ADAMTSL5: variants seen among roughly 807,000 people sequenced by gnomAD.
ADAMTSL5 encodes ADAMTS like 5, also known as ADAMTS-like protein 5.
In ADAMTSL5, 53 loss-of-function variants were observed where a neutral mutation model predicts 51.7. The observed-to-expected ratio is 1.03, with a 90% confidence interval of 0.82 to 1.29. The LOEUF is 1.29. Among genes scored for constraint, ADAMTSL5 ranks in the 50% most tolerant of loss-of-function variants. The pLI is 0.00. For missense variants in ADAMTSL5, 770 were observed against 676.2 expected, an observed-to-expected ratio of 1.14 and a Z score of -1.54; for synonymous variants, 285 against 278.7, an observed-to-expected ratio of 1.02 and a Z score of -0.23.
Position 1,510,922 on chromosome 19 carries a change from G to C in ADAMTSL5, c.22C>G (p.Pro8Ala). The C allele has an allele frequency of 4.1e-6, 6 of 1,463,486 alleles. No homozygotes were observed. The highest frequency in any genetic ancestry group is 1.5e-5 in the African/African-American group (1 of 67,440). 90.7% of individuals were successfully genotyped at this position (1,463,486 alleles called of 1,614,324 possible). Residue 8 changes from proline (P) to alanine (A), a missense_variant, in exon 2 of 12, where the codon CCC becomes GCC. Transcript: ENST00000330475. ...AGGTTCTGGAAGAGGTGGGGCCTGG[G>C]GAACAGAGGGGCCGAGTCCATAGAG... MDSAPLFPRPHLFQNLLL... is the reference protein window; with the variant it reads MDSAPLFARPHLFQNLLL...
At chr19:1,508,736 T>C in intron 5 of ADAMTSL5, 166 bp from the exon 6 acceptor site, 1 of 916,624 alleles carries the variant, frequency 1.1e-6, no homozygotes, top group Non-Finnish European at 1.5e-6. Context: ...GTAGGTGCTC[T>C]GCGTCCAGCA....
Position 1,506,823 on chromosome 19 carries a change from T to A in ADAMTSL5, c.958A>T (p.Arg320Trp). 6.5e-7 allele frequency: 1 copy of A among 1,541,086 alleles called. No homozygotes were observed. The highest frequency in any genetic ancestry group is 8.7e-7 in the Non-Finnish European group (1 of 1,144,062). ...ARVQALGWPL[R>W]QPQPRGVEPQ... The stretch of plus-strand genomic sequence containing the variant: ...TCCACCCCCCGGGGCTGAGGCTGCC[T>A]CAGGGGCCAGCCCAGGGCCTGCACA... Residue 320 changes from arginine (R) to tryptophan (W), a missense_variant, in exon 10 of 12, where the codon AGG becomes TGG. By Grantham distance (101) the Arg-to-Trp change is moderately radical. Coordinates refer to ENST00000330475, the MANE Select transcript of ADAMTSL5 (RefSeq NM_213604.3). The surrounding 1 kb of genome is among the most constrained non-coding windows in gnomAD (Gnocchi z 5.6).
At chr19:1,512,538 G>A (rs1360855319) in intron 1 of ADAMTSL5, among the ~76,000 whole-genome samples, 4 of 152,292 alleles carry the variant, frequency 2.6e-5, no homozygotes, top group South Asian at 4.1e-4. Flanking sequence ...AAATTAGCCC[G>A]GTGTGGTGGT....
chr19:1,506,268 C>G lies in ADAMTSL5; in HGVS notation c.1163G>C (p.Arg388Pro). The change falls in exon 12 of 12, where the codon CGC becomes CCC. Residue 388 changes from arginine to proline, a missense_variant. Transcript: ENST00000330475. The surrounding 1 kb of genome is among the most constrained non-coding windows in gnomAD (Gnocchi z 5.6). ...GACGAGCTGGATGCGCACCTCATAG[C>G]GGGTCTCCTGGGCCTGGTGGTGGTG... ...LGHHHQAQET[R>P]YEVRIQLVYK... is the part of the protein sequence containing the mutation. The G allele has an allele frequency of 6.4e-7, 1 of 1,564,030 alleles. No homozygotes were observed. The highest frequency in any genetic ancestry group is 8.7e-7 in the Non-Finnish European group (1 of 1,151,840).
chr19:1,507,514 C>CG, intron 8 of ADAMTSL5, 43 bp downstream of exon 8: 2 of 1,608,516 alleles, frequency 1.2e-6, no homozygotes, highest in Non-Finnish European at 1.7e-6. Flanking sequence ...CAACCGCCCC[C>CG]GGGTGCCCAG....
Position 1,505,766 on chromosome 19 carries a change from C to T in ADAMTSL5, c.*249G>A, listed in dbSNP as rs1047174017. On this transcript the variant is annotated 3_prime_UTR_variant, in exon 12 of 12. Coordinates refer to ENST00000330475, the MANE Select transcript of ADAMTSL5 (RefSeq NM_213604.3). ...AAATAGCTATGAGCTTCCTGGCAGC[C>T]AAGGAGAGAGGCGAAATAAAAGTCA... 2.2e-6 allele frequency: 1 copy of T among 456,394 alleles called. No individual in the cohort carries two copies. The highest frequency in any genetic ancestry group is 3.8e-6 in the Non-Finnish European group (1 of 261,616). 28.3% of individuals were successfully genotyped at this position (456,394 alleles called of 1,614,324 possible). A position where few individuals can be genotyped will look rare whatever the true frequency, so the allele number is the denominator to read the frequency against.
Position 1,505,875 on chromosome 19 carries a change from T to A in ADAMTSL5, c.*140A>T, listed in dbSNP as rs197198. 4 of 1,108,176 alleles carry A rather than the reference T, an allele frequency of 3.6e-6. No homozygotes were observed. The highest frequency in any genetic ancestry group is 1.7e-5 in the South Asian group (1 of 58,808). 68.6% of individuals were successfully genotyped at this position (1,108,176 alleles called of 1,614,324 possible). ...CATGCAGAGGTGTCTTAAGCGTGTGTGGGAGGGAGTCACATAGCTGCACAG... is the reference window on the plus strand; with the variant it reads ...CATGCAGAGGTGTCTTAAGCGTGTGAGGGAGGGAGTCACATAGCTGCACAG... On this transcript the variant is annotated 3_prime_UTR_variant, in exon 12 of 12. Coordinates refer to ENST00000330475, the MANE Select transcript of ADAMTSL5 (RefSeq NM_213604.3).
chr19:1,512,187 C>G (rs1913295724), intron 1 of ADAMTSL5, among the ~76,000 whole-genome samples: 1 of 152,220 alleles, frequency 6.6e-6, no homozygotes, highest in South Asian at 2.1e-4. Flanking sequence ...CGGGCACCAG[C>G]TGGGGAAGAG....
chr19:1,512,892 C>G (rs568989043), intron 1 of ADAMTSL5, 71 bp downstream of exon 1: 1 of 152,510 alleles, frequency 6.6e-6, no homozygotes, highest in East Asian at 1.9e-4. Flanking sequence ...GCGGAGGGAT[C>G]TCAAGGCAAG....
chr19:1,510,594 C>T, intron 3 of ADAMTSL5, 45 bp downstream of exon 3: 1 of 1,488,718 alleles, frequency 6.7e-7, no homozygotes, highest in Non-Finnish European at 9.0e-7. Flanking sequence ...CCGGGCTGGG[C>T]CGGCGGGGGA....
intron 5 of ADAMTSL5, among the ~76,000 whole-genome samples, chr19:1,509,644 G>GGAA: frequency 1.6e-5 from 2 of 126,178 alleles, no homozygotes; most frequent in East Asian, 4.5e-4. Context: ...GAGGGAGGGA[G>GGAA]GGAGGAAGGA....
Position 1,506,612 on chromosome 19 carries a change from G to A in ADAMTSL5, c.1092C>T (p.Leu364=), listed in dbSNP as rs141228013. 6.2e-7 allele frequency: 1 copy of A among 1,611,354 alleles called. No individual in the cohort carries two copies. The highest frequency in any genetic ancestry group is 8.5e-7 in the Non-Finnish European group (1 of 1,179,066). The change falls in exon 11 of 12, where the codon CTC becomes CTT. Residue 364 remains leucine, a synonymous_variant. Coordinates refer to ENST00000330475, the MANE Select transcript of ADAMTSL5 (RefSeq NM_213604.3). This position sits in a 1 kb window ranked among gnomAD's most constrained non-coding sequence, Gnocchi z 5.6. ...PDTRGRAHRL[L]HYCGSDFVFQ... The stretch of plus-strand genomic sequence containing the variant: ...CACCAAAGTCACTGCCGCAATAGTG[G>A]AGTAGTCGGTGGGCGCGGCCGCGGG...
At chr19:1,508,286 G>T (rs913719196) in intron 6 of ADAMTSL5, 157 bp downstream of exon 6, 17 of 1,226,492 alleles carry the variant, frequency 1.4e-5, no homozygotes, top group Admixed American at 2.8e-5. Flanking sequence ...GGGTGCCTAA[G>T]GGGGGCTGGG....
chr19:1,507,628 T>C lies in ADAMTSL5; in HGVS notation c.617A>G (p.Tyr206Cys). The C allele has an allele frequency of 1.9e-6, 3 of 1,613,446 alleles. No individual in the cohort carries two copies. The highest frequency in any genetic ancestry group is 2.5e-6 in the Non-Finnish European group (3 of 1,179,952). The change falls in exon 8 of 12, where the codon TAC becomes TGC. Residue 206 changes from tyrosine (Y) to cysteine (C), a missense_variant. Coordinates refer to ENST00000330475, the MANE Select transcript of ADAMTSL5 (RefSeq NM_213604.3). ...CTCGGGGATCAGGGTCACGTTCCAG[T>C]ACCCAGCGAAGGCACCTGGGTGGGA... is the stretch of plus-strand genomic sequence containing the variant. ...VFRDAGAFAGYWNVTLIPEGA... is the reference protein window; with the variant it reads ...VFRDAGAFAGCWNVTLIPEGA...
chr19:1,506,470 G>A lies in ADAMTSL5; in HGVS notation c.1114+120C>T. On this transcript the variant is annotated intron_variant, in intron 11 of 11. Coordinates refer to ENST00000330475, the MANE Select transcript of ADAMTSL5 (RefSeq NM_213604.3). This position sits in a 1 kb window ranked among gnomAD's most constrained non-coding sequence, Gnocchi z 5.6. Reference sequence around the variant, plus strand: ...CACGTCAGGGATCAATGAGGGATTAGGGTCAAGAGGCAAATTAGGATCAGA... The same window carrying A: ...CACGTCAGGGATCAATGAGGGATTAAGGTCAAGAGGCAAATTAGGATCAGA... 1 of 1,459,276 alleles carries A rather than the reference G, an allele frequency of 6.9e-7. No individual in the cohort carries two copies. Among genetic ancestry groups the A allele is most frequent in the East Asian group, 2.4e-5 (1 of 41,276 alleles). 90.4% of individuals were successfully genotyped at this position (1,459,276 alleles called of 1,614,324 possible).
chr19:1,507,596 T>C lies in ADAMTSL5; in HGVS notation c.649A>G (p.Arg217Gly). 1.2e-6 allele frequency: 2 copies of C among 1,613,478 alleles called. No individual in the cohort carries two copies. Among genetic ancestry groups the C allele is most frequent in the Non-Finnish European group, 1.7e-6 (2 of 1,180,008 alleles). Residue 217 changes from arginine to glycine, a missense_variant, in exon 8 of 12, where the codon AGA becomes GGA. Arg to Gly is a moderately radical substitution (Grantham distance 125). Coordinates refer to ENST00000330475, the MANE Select transcript of ADAMTSL5 (RefSeq NM_213604.3). Reference sequence around the variant, plus strand: ...CTCCTGTGTTCCACGCGGATGTGTCTGGCGCCCTCGGGGATCAGGGTCACG... The same window carrying C: ...CTCCTGTGTTCCACGCGGATGTGTCCGGCGCCCTCGGGGATCAGGGTCACG... ...WNVTLIPEGA[R>G]HIRVEHRSRN...
In ADAMTSL5 at chr19:1,508,772, T is replaced by C. The variant is rs1913103319; in HGVS notation, c.362-202A>G. 5 of 532,176 alleles carry C rather than the reference T, an allele frequency of 9.4e-6. No individual in the cohort carries two copies. The South Asian group carries it at 1.7e-4, about 18-fold the overall frequency. The allele number at this position is 532,176 out of a possible 1,614,324, so 33.0% of individuals were successfully genotyped here. On this transcript the variant is annotated intron_variant, in intron 5 of 11. Transcript: ENST00000330475. ...ACCTGGGACTCGCAGGCAAGTATCC[T>C]GGGGCTGCATTCATTCATTCATTCA...
At position 1,508,566 on chromosome 19, in the gene ADAMTSL5, G is replaced by C; in HGVS notation, c.366C>G (p.Pro122=). ...TYQWVPFHGA[P]NQCDLNCLAE... ...CCAGGCAGTTGAGGTCGCACTGGTT[G>C]GGCGCTGAGGGCAGGAGGAGTCGGT... is the stretch of plus-strand genomic sequence containing the variant. The change falls in exon 6 of 12, where the codon CCC becomes CCG. Residue 122 remains proline (P), a synonymous_variant. Transcript: ENST00000330475. 1 of 1,551,452 alleles carries C rather than the reference G, an allele frequency of 6.4e-7. No homozygotes were observed. The highest frequency in any genetic ancestry group is 8.7e-7 in the Non-Finnish European group (1 of 1,155,774).
chr19:1,508,765 A>G (rs968337350), intron 5 of ADAMTSL5, 195 bp from the exon 6 acceptor site: 6 of 572,016 alleles, frequency 1.0e-5, no homozygotes, highest in African/African-American at 9.8e-5. Context: ...CTCGCAGGCA[A>G]GTATCCTGGG....
Sources: allele counts gnomAD v4.1 joint callset (sites outside exome capture counted in the v4.1 genomes callset), GRCh38; gene constraint gnomAD v4.1.1; non-coding constraint Gnocchi (gnomAD v3.1); transcripts MANE v1.5; gene names NCBI Gene and HGNC (gene_info 2026-07-23, HGNC 2026-07-21).